Variants in SPATS2 observed in about 807,000 individuals in gnomAD.
SPATS2 encodes the protein spermatogenesis-associated serine-rich protein 2.
SPATS2 carries 38 observed loss-of-function variants against 63.7 expected under a neutral mutation model. That is an observed-to-expected ratio of 0.60 (90% CI 0.46 to 0.78). SPATS2 has a LOEUF of 0.78. SPATS2 is among the 30% of genes least tolerant of loss of function. The pLI is 0.00. For synonymous variants in SPATS2, 207 were observed against 232.9 expected (o/e 0.89, Z 1.01); for missense variants, 588 against 666.2 (o/e 0.88, Z 1.29).
intron 2 of SPATS2, among the ~76,000 whole-genome samples, chr12:49,430,191 C>T (rs369569115): frequency 6.7e-6 from 1 of 150,362 alleles, no homozygotes; most frequent in East Asian, 2.0e-4. Flanking sequence ...AGGTCTGCCT[C>T]CCAGGTTCAA....
At chr12:49,396,617 A>G (rs1057052690) in intron 2 of SPATS2, among the ~76,000 whole-genome samples, 2 of 152,170 alleles carry the variant, frequency 1.3e-5, no homozygotes, top group Admixed American at 6.5e-5. Flanking sequence ...ATGAATTTAG[A>G]TCTCACATCT....
chr12:49,512,776 A>C, intron 9 of SPATS2: 1 of 888,060 alleles, frequency 1.1e-6, no homozygotes, highest in Middle Eastern at 2.6e-4. Context: ...CTGCATCTTA[A>C]GGTGATTTGG....
intron 2 of SPATS2, among the ~76,000 whole-genome samples, chr12:49,440,753 C>T (rs1945403265): frequency 6.6e-6 from 1 of 152,176 alleles, no homozygotes; most frequent in Non-Finnish European, 1.5e-5. Flanking sequence ...AGGCATGAGC[C>T]ACTGTGCCTG....
chr12:49,486,676 G>T (rs1946299322), intron 4 of SPATS2, among the ~76,000 whole-genome samples: 1 of 151,738 alleles, frequency 6.6e-6, no homozygotes, highest in Admixed American at 6.6e-5. Flanking sequence ...GCCCAGGCTG[G>T]AGGCTGAGGC....
chr12:49,392,265 A>G (rs1213052034), intron 2 of SPATS2, among the ~76,000 whole-genome samples: 1 of 152,086 alleles, frequency 6.6e-6, no homozygotes, highest in East Asian at 1.9e-4. Context: ...TGTTAAACAG[A>G]ACCTTAACTT....
chr12:49,492,178 T>A (rs1044853938), intron 6 of SPATS2, among the ~76,000 whole-genome samples: 7 of 152,116 alleles, frequency 4.6e-5, no homozygotes, highest in Admixed American at 2.0e-4. Flanking sequence ...TAGATAACTG[T>A]GAGTGTCCTG....
At chr12:49,409,369 G>A (rs1944754530) in intron 2 of SPATS2, among the ~76,000 whole-genome samples, 2 of 151,470 alleles carry the variant, frequency 1.3e-5, no homozygotes, top group South Asian at 4.2e-4. Flanking sequence ...GCAGTGTCAC[G>A]ATCTCGGCTC....
intron 2 of SPATS2, among the ~76,000 whole-genome samples, chr12:49,448,151 T>C (rs1403075337): frequency 3.3e-5 from 5 of 150,760 alleles, no homozygotes; most frequent in Non-Finnish European, 7.4e-5. Flanking sequence ...TTTTTTTTTT[T>C]TTTTTAGACC....
intron 2 of SPATS2, among the ~76,000 whole-genome samples, chr12:49,376,890 T>C (rs973888406): frequency 2.5e-4 from 38 of 152,128 alleles, no homozygotes; most frequent in African/African-American, 9.2e-4. Context: ...GGCTAATTTT[T>C]GTATTTTCAG....
At chr12:49,378,084 T>C (rs1437558068) in intron 2 of SPATS2, among the ~76,000 whole-genome samples, 48 of 152,148 alleles carry the variant, frequency 3.2e-4, no homozygotes, top group Admixed American at 3.1e-3. Context: ...GCGATTCCCC[T>C]GCCTCAGCCT....
At chr12:49,482,414 G>A (rs1448327710) in intron 3 of SPATS2, among the ~76,000 whole-genome samples, 1 of 152,138 alleles carries the variant, frequency 6.6e-6, no homozygotes, top group Non-Finnish European at 1.5e-5. Context: ...GCAACTGTCT[G>A]ATGGCGCTTT....
intron 2 of SPATS2, among the ~76,000 whole-genome samples, chr12:49,455,871 C>T (rs1945710674): frequency 6.6e-6 from 1 of 152,238 alleles, no homozygotes; most frequent in Non-Finnish European, 1.5e-5. Flanking sequence ...GTCCCCGCAC[C>T]TTGGCCTCCC....
At chr12:49,520,410 G>A (rs977318163) in intron 11 of SPATS2, among the ~76,000 whole-genome samples, 8 of 152,052 alleles carry the variant, frequency 5.3e-5, no homozygotes, top group African/African-American at 1.2e-4. Flanking sequence ...GAGCCACCGC[G>A]CCCGGCCCAG....
At chr12:49,378,286 T>C (rs1441886811) in intron 2 of SPATS2, among the ~76,000 whole-genome samples, 4 of 150,606 alleles carry the variant, frequency 2.7e-5, no homozygotes, top group Non-Finnish European at 5.9e-5. Context: ...TTTTATTTTA[T>C]TTTATTTTAT....
chr12:49,500,048 T>A, intron 8 of SPATS2, 22 bp from the exon 9 acceptor site: 1 of 1,405,668 alleles, frequency 7.1e-7, no homozygotes, highest in Non-Finnish European at 9.3e-7. Flanking sequence ...TTTTTTTTAA[T>A]ATTTCGGTTT....
intron 2 of SPATS2, among the ~76,000 whole-genome samples, chr12:49,396,156 G>A (rs552677611): frequency 6.6e-6 from 1 of 152,252 alleles, no homozygotes; most frequent in African/African-American, 2.4e-5. Flanking sequence ...TGTACATTTA[G>A]GTTGTTTCCA....
chr12:49,524,537 C>G, intron 12 of SPATS2, 145 bp from the exon 13 acceptor site: 1 of 800,906 alleles, frequency 1.2e-6, no homozygotes, highest in Non-Finnish European at 1.9e-6. Flanking sequence ...GATTTTTCTT[C>G]CTGTTACCAG....
chr12:49,410,785 A>ATT (rs765200118), intron 2 of SPATS2, among the ~76,000 whole-genome samples: 4 of 145,422 alleles, frequency 2.8e-5, no homozygotes, highest in African/African-American at 7.5e-5. Flanking sequence ...CTTAAAAGGA[A>ATT]TTTTTTTTTT....
chr12:49,495,272 C>T (rs1002696140), intron 7 of SPATS2, among the ~76,000 whole-genome samples: 6 of 152,098 alleles, frequency 3.9e-5, no homozygotes, highest in Admixed American at 3.9e-4. Context: ...CAGCTCACTG[C>T]AAGCTCCACC....
Sources: allele counts gnomAD v4.1 joint callset (sites outside exome capture counted in the v4.1 genomes callset), GRCh38; gene constraint gnomAD v4.1.1; transcripts MANE v1.5; gene names NCBI Gene and HGNC (gene_info 2026-07-23, HGNC 2026-07-21).